The following SURF4 variants were observed in gnomAD, a reference collection of about 807,000 sequenced individuals.
SURF4 encodes surfeit 4.
Under a neutral mutation model 30.0 loss-of-function variants are expected in SURF4, and 3 were observed. That is an observed-to-expected ratio of 0.10 (90% CI 0.05 to 0.26). The LOEUF (loss-of-function observed/expected upper bound fraction) is 0.26, where lower values mean the gene tolerates loss of function less well. Ranked by LOEUF, SURF4 falls within the 10% of genes least tolerant of loss-of-function variation. SURF4 has a pLI of 1.00. For synonymous variants in SURF4, 143 were observed against 139.9 expected (o/e 1.02, Z -0.16); for missense variants, 217 against 350.8 (o/e 0.62, Z 3.05).
chr9:133,373,933 A>AAAAAAAAAG (rs1554773647), intron 1 of SURF4, among the ~76,000 whole-genome samples: 2 of 149,136 alleles, frequency 1.3e-5, no homozygotes, highest in Non-Finnish European at 3.0e-5. Flanking sequence ...AAAAAAAAAA[A>AAAAAAAAAG]AAGAAGAAGA....
At chr9:133,364,687 T>C (rs1188995357) in intron 5 of SURF4, among the ~76,000 whole-genome samples, 153 bp downstream of exon 5, 2 of 122,926 alleles carry the variant, frequency 1.6e-5, no homozygotes, top group African/African-American at 3.1e-5. Context: ...CGAGACTCCG[T>C]CTCAAAAAAA....
chr9:133,370,348 A>AG (rs11433850), intron 1 of SURF4, among the ~76,000 whole-genome samples: 1,718 of 152,272 alleles, frequency 0.011, 43 homozygotes, highest in African/African-American at 0.038. Flanking sequence ...GCAAAAATCT[A>AG]GGTACTGCCT....
chr9:133,367,301 G>A lies in SURF4; in HGVS notation c.193C>T (p.Leu65=), dbSNP rs2130138980. ...TTGAGGAAGACGAAGGACGAGGCCAGCAGGTAGCCGCAGTTCCAGGTGGTG... is the reference window on the plus strand; with the variant it reads ...TTGAGGAAGACGAAGGACGAGGCCAACAGGTAGCCGCAGTTCCAGGTGGTG... ...IDTTWNCGYL[L]ASSFVFLNLL... The change falls in exon 2 of 6, where the codon CTG becomes TTG. Residue 65 remains leucine (L), a synonymous_variant. Coordinates refer to ENST00000371989, the MANE Select transcript of SURF4 (RefSeq NM_033161.4). 1.9e-6 allele frequency: 3 copies of A among 1,614,254 alleles called. No homozygotes were observed. In the East Asian group the frequency reaches 6.7e-5, roughly 36 times the overall value.
intron 1 of SURF4, among the ~76,000 whole-genome samples, chr9:133,369,065 G>A (rs1019276190): frequency 7.2e-5 from 11 of 152,168 alleles, no homozygotes; most frequent in African/African-American, 9.7e-5. Context: ...CAGTTACCAC[G>A]CCCCTGGGTG....
chr9:133,372,877 T>G (rs2130200762), intron 1 of SURF4, among the ~76,000 whole-genome samples: 1 of 152,362 alleles, frequency 6.6e-6, no homozygotes, highest in South Asian at 2.1e-4. Flanking sequence ...TGCATCTGTC[T>G]GATTGGGGTT....
intron 1 of SURF4, chr9:133,375,209 C>A: frequency 2.0e-6 from 2 of 985,460 alleles, no homozygotes; most frequent in Non-Finnish European, 2.4e-6. Context: ...CCGCCTGTTT[C>A]AAAGGCTTCC....
upstream of SURF4, among the ~76,000 whole-genome samples, chr9:133,377,187 C>G (rs1311454056): frequency 6.6e-6 from 1 of 151,870 alleles, no homozygotes; most frequent in Non-Finnish European, 1.5e-5. Context: ...CTTCTGGTGG[C>G]CAGATAATTT....
In SURF4 at chr9:133,367,248, G is replaced by C. The variant is rs2130138013; in HGVS notation, c.235+11C>G. The C allele has an allele frequency of 6.2e-7, 1 of 1,612,812 alleles. No homozygotes were observed. The highest frequency in any genetic ancestry group is 8.5e-7 in the Non-Finnish European group (1 of 1,178,938). Reference sequence around the variant, plus strand: ...GCCCAGTGAATCCTGACCACCCGCAGAGCCACTCACTCAGCTGTCCCAGCA... The same window carrying C: ...GCCCAGTGAATCCTGACCACCCGCACAGCCACTCACTCAGCTGTCCCAGCA... On this transcript the variant is annotated intron_variant, in intron 2 of 5. Transcript: ENST00000371989.
intron 1 of SURF4, chr9:133,375,110 C>G (rs1364010729): frequency 1.6e-6 from 1 of 643,004 alleles, no homozygotes; most frequent in Non-Finnish European, 1.9e-6. Flanking sequence ...CAAGCTTAAT[C>G]AAGAAAGAGG....
intron 1 of SURF4, among the ~76,000 whole-genome samples, chr9:133,369,469 G>C (rs1434946445): frequency 6.6e-6 from 1 of 152,132 alleles, no homozygotes; most frequent in Non-Finnish European, 1.5e-5. Context: ...ACTAATGGTT[G>C]GTAAGATGCT....
At chr9:133,373,168 G>A (rs2130204105) in intron 1 of SURF4, among the ~76,000 whole-genome samples, 54 of 152,168 alleles carry the variant, frequency 3.5e-4, no homozygotes, top group Middle Eastern at 3.2e-3. Context: ...GGCTTTTCTT[G>A]GTCTTGGTCA....
In SURF4 at chr9:133,367,340, G is replaced by A. The variant is rs2130140446; in HGVS notation, c.154C>T (p.Arg52Cys). The change falls in exon 2 of 6, where the codon CGC becomes TGC. Residue 52 changes from arginine to cysteine, a missense_variant. Physicochemically the swap from Arg to Cys is radical, Grantham distance 180 (BLOSUM62 -3). Transcript: ENST00000371989. ...TTCCAGGTGGTGTCGATGTAGTCGC[G>A]CTGCTCGCTCCACTGGAACCACATA... ...IRMWFQWSEQ[R>C]DYIDTTWNCG... 4.3e-6 allele frequency: 7 copies of A among 1,614,254 alleles called. No individual in the cohort carries two copies. Among genetic ancestry groups the A allele is most frequent in the Admixed American group, 1.7e-5 (1 of 60,034 alleles).
At chr9:133,367,633 G>T in intron 1 of SURF4, 188 bp from the exon 2 acceptor site, 1 of 1,435,486 alleles carries the variant, frequency 7.0e-7, no homozygotes, top group Non-Finnish European at 9.2e-7. Flanking sequence ...GCTACCCTGT[G>T]AGTCTGGACA....
chr9:133,372,475 T>G (rs1312592276), intron 1 of SURF4: 1 of 562,338 alleles, frequency 1.8e-6, no homozygotes, highest in Non-Finnish European at 2.3e-6. Context: ...GCCAACCTCC[T>G]ACAGTCAAGA....
At chr9:133,367,607 G>A (rs1309399914) in intron 1 of SURF4, 162 bp from the exon 2 acceptor site, 2 of 1,501,300 alleles carry the variant, frequency 1.3e-6, no homozygotes, top group African/African-American at 2.8e-5. Flanking sequence ...GGGGCTCTCA[G>A]TGCTTGCTCC....
chr9:133,370,311 A>G (rs2130178672), intron 1 of SURF4, among the ~76,000 whole-genome samples: 7 of 152,216 alleles, frequency 4.6e-5, no homozygotes, highest in African/African-American at 1.7e-4. Context: ...CGAAACAGAC[A>G]CAGCTCTTGG....
chr9:133,376,165 T>C (rs2130245795), upstream of SURF4: 1 of 1,227,926 alleles, frequency 8.1e-7, no homozygotes. Context: ...CCGGTGCGTC[T>C]TAAAGGGGCC....
At chr9:133,366,094 T>C in intron 3 of SURF4, 66 bp from the exon 4 acceptor site, 1 of 1,501,892 alleles carries the variant, frequency 6.7e-7, no homozygotes, top group Non-Finnish European at 9.3e-7. Context: ...ACAGACTTCA[T>C]AATACATTAG....
At chr9:133,369,745 C>T (rs2130172654) in intron 1 of SURF4, among the ~76,000 whole-genome samples, 1 of 152,348 alleles carries the variant, frequency 6.6e-6, no homozygotes, top group Non-Finnish European at 1.5e-5. Flanking sequence ...AGCACACCAC[C>T]GTGGCACACG....
Sources: gnomAD v4.1 joint callset for allele counts (sites outside exome capture counted in the v4.1 genomes callset) on GRCh38, gnomAD v4.1.1 for gene constraint, MANE v1.5 for transcripts, NCBI Gene and HGNC (gene_info 2026-07-23, HGNC 2026-07-21) for gene names.